EYA2: variants seen among roughly 807,000 people sequenced by gnomAD.
The protein encoded by EYA2 is protein phosphatase EYA2.
A neutral mutation model predicts 69.2 loss-of-function variants in EYA2; 31 were observed. That is an observed-to-expected ratio of 0.45 (90% CI 0.34 to 0.60). The LOEUF (loss-of-function observed/expected upper bound fraction) is 0.60, where lower values mean the gene tolerates loss of function less well. EYA2 is among the 20% of genes least tolerant of loss of function. The pLI, the probability that EYA2 is intolerant of heterozygous loss-of-function variation, is 0.02. For synonymous variants in EYA2, 257 were observed against 279.4 expected (o/e 0.92, Z 0.80); for missense variants, 622 against 701.2 (o/e 0.89, Z 1.28).
intron 2 of EYA2, among the ~76,000 whole-genome samples, chr20:46,994,572 C>G (rs986451269): frequency 2.0e-5 from 3 of 152,152 alleles, no homozygotes; most frequent in Non-Finnish European, 4.4e-5. Context: ...TCAGTCTCAC[C>G]GGTTCCAACC....
intron 1 of EYA2, among the ~76,000 whole-genome samples, chr20:46,923,375 CAAAA>C (rs1232898146): frequency 6.6e-6 from 1 of 152,098 alleles, no homozygotes; most frequent in Non-Finnish European, 1.5e-5. Flanking sequence ...AAAAAACAAA[CAAAA>C]GAAATGTTCT....
rs368623695 is a variant in EYA2, at chr20:46,932,201, A to AT, written c.-11+37215dup. On this transcript the variant is annotated intron_variant, in intron 1 of 15. Coordinates refer to ENST00000327619, the MANE Select transcript of EYA2 (RefSeq NM_005244.5). ...CAAATGGAATGATTGTGCACCCCCC[A>AT]TCCCCGGGTTTGCACCTCCAGGCTC... Among the ~76,000 whole-genome samples, 19 of 151,598 alleles carry AT rather than the reference A, an allele frequency of 1.3e-4. 1 individual carries two copies. The highest frequency in any genetic ancestry group is 4.6e-4 in the African/African-American group (19 of 41,318).
At chr20:47,089,409 G>A in intron 8 of EYA2, 28 bp downstream of exon 8, 1 of 1,593,276 alleles carries the variant, frequency 6.3e-7, no homozygotes, top group Non-Finnish European at 8.6e-7. Flanking sequence ...TGTGTGACCT[G>A]GTGAATGTAA....
intron 9 of EYA2, among the ~76,000 whole-genome samples, chr20:47,119,561 G>T (rs1205101327): frequency 6.6e-6 from 1 of 152,222 alleles, no homozygotes; most frequent in African/African-American, 2.4e-5. Flanking sequence ...GCCAGATACA[G>T]AAGGTCATAT....
intron 1 of EYA2, among the ~76,000 whole-genome samples, chr20:46,983,572 A>G (rs1454002767): frequency 2.0e-5 from 3 of 152,210 alleles, no homozygotes; most frequent in Non-Finnish European, 4.4e-5. Flanking sequence ...TCTTGCCTTT[A>G]TAGCTACCCC....
At chr20:47,088,568 C>G (rs1244147355) in intron 7 of EYA2, among the ~76,000 whole-genome samples, 2 of 152,114 alleles carry the variant, frequency 1.3e-5, no homozygotes, top group African/African-American at 2.4e-5. Flanking sequence ...CCCCGCTGCC[C>G]CACCCTGATT....
chr20:47,043,594 A>G (rs1269355002), intron 5 of EYA2, among the ~76,000 whole-genome samples: 1 of 152,158 alleles, frequency 6.6e-6, no homozygotes, highest in Non-Finnish European at 1.5e-5. Flanking sequence ...TTTTCCTGTC[A>G]CTTTCTAGCT....
chr20:47,102,572 G>T (rs2032455033), intron 9 of EYA2, among the ~76,000 whole-genome samples: 2 of 152,094 alleles, frequency 1.3e-5, no homozygotes, highest in African/African-American at 4.8e-5. Flanking sequence ...TGTTTTTTGG[G>T]GGAACTAAGC....
chr20:46,936,602 C>G (rs955544337), intron 1 of EYA2, among the ~76,000 whole-genome samples: 1 of 152,166 alleles, frequency 6.6e-6, no homozygotes, highest in East Asian at 1.9e-4. Flanking sequence ...TTTCCTCCCA[C>G]AAAGGCAGGT....
At chr20:46,972,378 A>G (rs1980195663) in intron 1 of EYA2, among the ~76,000 whole-genome samples, 2 of 152,232 alleles carry the variant, frequency 1.3e-5, no homozygotes, top group Admixed American at 1.3e-4. Flanking sequence ...AATTATTTGC[A>G]ATCATTTTCA....
At chr20:47,128,301 A>G (rs1424855611) in intron 9 of EYA2, among the ~76,000 whole-genome samples, 1 of 152,162 alleles carries the variant, frequency 6.6e-6, no homozygotes. Flanking sequence ...CCACAGCAAT[A>G]AGGGGAGACG....
intron 10 of EYA2, among the ~76,000 whole-genome samples, chr20:47,163,692 C>G (rs1330847191): frequency 1.3e-5 from 1 of 78,930 alleles, no homozygotes; most frequent in Non-Finnish European, 2.2e-5. Context: ...GAGCAAAACA[C>G]TGTCTCAAAA....
intron 10 of EYA2, among the ~76,000 whole-genome samples, chr20:47,167,450 T>C (rs1488874499): frequency 3.3e-5 from 5 of 151,720 alleles, no homozygotes; most frequent in Non-Finnish European, 7.4e-5. Flanking sequence ...GCCCAGCTAA[T>C]TTTTTGTATT....
intron 1 of EYA2, among the ~76,000 whole-genome samples, chr20:46,971,238 C>T (rs1175470664): frequency 2.0e-5 from 3 of 152,080 alleles, no homozygotes; most frequent in Non-Finnish European, 4.4e-5. Context: ...GCATAAATAA[C>T]CTAGGAGTTT....
intron 8 of EYA2, among the ~76,000 whole-genome samples, chr20:47,091,390 G>T (rs2032080232): frequency 6.6e-6 from 1 of 152,146 alleles, no homozygotes; most frequent in African/African-American, 2.4e-5. Context: ...GGAAATCTTT[G>T]TTGAGCCTGA....
At chr20:47,048,460 G>A (rs768161667) in intron 5 of EYA2, among the ~76,000 whole-genome samples, 14 of 152,194 alleles carry the variant, frequency 9.2e-5, no homozygotes, top group African/African-American at 2.4e-4. Context: ...TATGCAGGCC[G>A]GGTGCAGTGG....
At chr20:46,983,415 T>C (rs1302711084) in intron 1 of EYA2, among the ~76,000 whole-genome samples, 3 of 152,186 alleles carry the variant, frequency 2.0e-5, no homozygotes, top group African/African-American at 7.2e-5. Context: ...AGGATCTATT[T>C]TGTTTGCTGT....
At chr20:46,928,978 A>G (rs1407501682) in intron 1 of EYA2, among the ~76,000 whole-genome samples, 3 of 152,154 alleles carry the variant, frequency 2.0e-5, no homozygotes, top group Non-Finnish European at 4.4e-5. Flanking sequence ...GCTACTTTAA[A>G]TGCAGATCCT....
intron 1 of EYA2, among the ~76,000 whole-genome samples, chr20:46,921,455 T>C (rs546389579): frequency 3.3e-5 from 5 of 152,354 alleles, no homozygotes; most frequent in Admixed American, 1.3e-4. Flanking sequence ...TCTTCTCCTT[T>C]CTCGTTTCTA....
Sources: gnomAD v4.1 joint callset for allele counts (sites outside exome capture counted in the v4.1 genomes callset) on GRCh38, gnomAD v4.1.1 for gene constraint, MANE v1.5 for transcripts, NCBI Gene and HGNC (gene_info 2026-07-23, HGNC 2026-07-21) for gene names.